Variants in SIGLECL1 observed in about 807,000 individuals in gnomAD.
SIGLECL1 encodes SIGLEC family like 1, also known as SIGLEC family-like protein 1.
In SIGLECL1, 16 loss-of-function variants were observed where a neutral mutation model predicts 19.1. The ratio of observed to expected loss-of-function variants is 0.84; its 90% CI spans 0.57 to 1.27. SIGLECL1 has a LOEUF of 1.27. SIGLECL1 is among the 50% of genes most tolerant of loss of function. The probability of loss-of-function intolerance (pLI) is 0.00; values close to 1 mark genes in which losing one functional copy is unlikely to be tolerated. For missense variants in SIGLECL1, 210 were observed against 239.4 expected, an observed-to-expected ratio of 0.88 and a Z score of 0.81; for synonymous variants, 89 against 90.4, an observed-to-expected ratio of 0.98 and a Z score of 0.09.
chr19:51,247,624 A>G (rs273648), upstream of SIGLECL1, among the ~76,000 whole-genome samples: 100,228 of 152,056 alleles, frequency 0.66, 34,491 homozygotes, highest in African/African-American at 0.85. Context: ...TCACCTTGTT[A>G]ATCAGGCGGT....
intron 2 of SIGLECL1, 61 bp from the exon 3 acceptor site, chr19:51,265,307 G>A (rs887788962): frequency 9.2e-6 from 14 of 1,527,426 alleles, no homozygotes; most frequent in Non-Finnish European, 1.2e-5. Context: ...GCTGCATGCT[G>A]GAGAAACTGG....
At chr19:51,265,261 T>G (rs774522840) in intron 2 of SIGLECL1, 107 bp from the exon 3 acceptor site, 63 of 1,306,744 alleles carry the variant, frequency 4.8e-5, no homozygotes, top group Non-Finnish European at 6.5e-5. Context: ...CAGAAAGTCC[T>G]TCTGAAGCTC....
intron 1 of SIGLECL1, among the ~76,000 whole-genome samples, chr19:51,262,379 G>T (rs900168632): frequency 1.3e-5 from 2 of 152,148 alleles, no homozygotes; most frequent in Admixed American, 1.3e-4. Flanking sequence ...TATAAAGAAT[G>T]TACCAAATCT....
At chr19:51,261,028 A>G (rs982591784) in intron 1 of SIGLECL1, among the ~76,000 whole-genome samples, 1 of 152,134 alleles carries the variant, frequency 6.6e-6, no homozygotes, top group Non-Finnish European at 1.5e-5. Context: ...TCACACTACT[A>G]TTGTGGATGT....
chr19:51,254,659 G>A (rs542930737), intron 1 of SIGLECL1, among the ~76,000 whole-genome samples: 50 of 152,264 alleles, frequency 3.3e-4, no homozygotes, highest in African/African-American at 1.2e-3. Flanking sequence ...GAAACGGGGA[G>A]TAAATGTTAA....
chr19:51,252,028 T>G (rs1982519649), intron 1 of SIGLECL1, among the ~76,000 whole-genome samples: 1 of 152,184 alleles, frequency 6.6e-6, no homozygotes, highest in South Asian at 2.1e-4. Flanking sequence ...CTGGGCGCAG[T>G]GGCTCACGTC....
intron 4 of SIGLECL1, among the ~76,000 whole-genome samples, chr19:51,266,444 G>C (rs1021562431): frequency 6.6e-6 from 1 of 150,658 alleles, no homozygotes; most frequent in Non-Finnish European, 1.5e-5. Context: ...AAACATAAAT[G>C]AATTTTGTTT....
chr19:51,266,010 T>G, intron 4 of SIGLECL1, 128 bp downstream of exon 4: 1 of 863,040 alleles, frequency 1.2e-6, no homozygotes, highest in Non-Finnish European at 1.8e-6. Flanking sequence ...GAGGGAAAGA[T>G]GTACCAAACA....
intron 1 of SIGLECL1, among the ~76,000 whole-genome samples, chr19:51,254,850 A>AGTAGACCCATGGCTAAATAAGGTTAG: frequency 6.6e-6 from 1 of 152,346 alleles, no homozygotes; most frequent in East Asian, 1.9e-4. Flanking sequence ...AAGGTTAGCT[A>AGTAGACCCATGGCTAAATAAGGTTAG]CCAGTAGACC....
chr19:51,258,053 G>A (rs901037785), intron 1 of SIGLECL1, among the ~76,000 whole-genome samples: 4 of 152,228 alleles, frequency 2.6e-5, no homozygotes, highest in African/African-American at 9.6e-5. Context: ...TCCCTTGGCT[G>A]ATTTTAATCT....
upstream of SIGLECL1, among the ~76,000 whole-genome samples, chr19:51,248,162 G>C (rs57490406): frequency 7.8e-6 from 1 of 127,738 alleles, no homozygotes; most frequent in Non-Finnish European, 1.6e-5. Flanking sequence ...CAAGATGGCC[G>C]CTCCATCTTC....
intron 1 of SIGLECL1, among the ~76,000 whole-genome samples, chr19:51,259,066 T>C (rs1372188087): frequency 6.6e-6 from 1 of 152,202 alleles, no homozygotes; most frequent in Non-Finnish European, 1.5e-5. Flanking sequence ...CAAAGTCATA[T>C]GCATATTAGT....
At chr19:51,262,550 T>G (rs1450684478) in intron 1 of SIGLECL1, among the ~76,000 whole-genome samples, 1 of 152,194 alleles carries the variant, frequency 6.6e-6, no homozygotes, top group African/African-American at 2.4e-5. Flanking sequence ...AAATTTAAAA[T>G]TATACATGTA....
intron 1 of SIGLECL1, among the ~76,000 whole-genome samples, chr19:51,262,295 G>A (rs1983293314): frequency 6.6e-6 from 1 of 152,056 alleles, no homozygotes; most frequent in African/African-American, 2.4e-5. Context: ...TATGGCTATT[G>A]AGCCCTTATA....
At chr19:51,256,307 C>CA (rs1982804062) in intron 1 of SIGLECL1, among the ~76,000 whole-genome samples, 1 of 152,174 alleles carries the variant, frequency 6.6e-6, no homozygotes, top group South Asian at 2.1e-4. Flanking sequence ...ATTGTGCACA[C>CA]ACACATACAC....
chr19:51,254,194 T>C (rs1265772881), intron 1 of SIGLECL1, among the ~76,000 whole-genome samples: 1 of 152,038 alleles, frequency 6.6e-6, no homozygotes, highest in Non-Finnish European at 1.5e-5. Flanking sequence ...TTGGGTCTAG[T>C]AGTGTGCCCT....
At chr19:51,246,879 A>C (rs1278389533), upstream of SIGLECL1, among the ~76,000 whole-genome samples, 1 of 152,184 alleles carries the variant, frequency 6.6e-6, no homozygotes, top group Non-Finnish European at 1.5e-5. Flanking sequence ...ATTTAGTTTA[A>C]ATAAATTTAC....
intron 1 of SIGLECL1, chr19:51,255,830 T>C (rs1363092715): frequency 2.6e-5 from 4 of 152,182 alleles, no homozygotes; most frequent in African/African-American, 9.7e-5. Flanking sequence ...TTGTACACTG[T>C]TGGTGGAAAT....
rs529103151 is a variant in SIGLECL1 at position 51,256,914 on chromosome 19, T to C, written c.-191+5369T>C. Among the ~76,000 whole-genome samples the C allele has an allele frequency of 3.3e-5, 5 of 152,316 alleles. No individual in the cohort carries two copies. In the East Asian group the frequency reaches 7.7e-4, roughly 24 times the overall value. On this transcript the variant is annotated intron_variant, in intron 1 of 5. Transcript: ENST00000601727. ...ATCAAATTATACATCATTCTAGATCTTTGTTTTACTCATTCATGTATGTAT... is the reference window on the plus strand; with the variant it reads ...ATCAAATTATACATCATTCTAGATCCTTGTTTTACTCATTCATGTATGTAT...
Sources: allele counts gnomAD v4.1 joint callset (sites outside exome capture counted in the v4.1 genomes callset), GRCh38; gene constraint gnomAD v4.1.1; transcripts MANE v1.5; gene names NCBI Gene and HGNC (gene_info 2026-07-23, HGNC 2026-07-21).